Variants in NAT2 observed in about 807,000 individuals in gnomAD.
NAT2 encodes the protein arylamine N-acetyltransferase 2.
For missense variants in NAT2, 428 were observed against 339.1 expected, an observed-to-expected ratio of 1.26 and a Z score of -2.06; for synonymous variants, 137 against 125.9, an observed-to-expected ratio of 1.09 and a Z score of -0.59.
intron 1 of NAT2, among the ~76,000 whole-genome samples, chr8:18,397,645 C>T (rs1800716384): frequency 6.6e-6 from 1 of 152,066 alleles, no homozygotes; most frequent in Non-Finnish European, 1.5e-5. Context: ...CAATACAAAA[C>T]CAAAACATTG....
At position 18,400,989 on chromosome 8, in the gene NAT2, C is replaced by T. The variant is rs1800783568; in HGVS notation, c.*113C>T. On this transcript the variant is annotated 3_prime_UTR_variant, in exon 2 of 2. Transcript: ENST00000286479. ...ACGTTATTTTGAAGAAAATCCTAAA[C>T]ATCAAATACTTTCATCCATAAAAAT... is the stretch of plus-strand genomic sequence containing the variant. 1 of 674,758 alleles carries T rather than the reference C, an allele frequency of 1.5e-6. No individual in the cohort carries two copies. The highest frequency in any genetic ancestry group is 2.3e-6 in the Non-Finnish European group (1 of 438,422). 41.8% of individuals were successfully genotyped at this position (674,758 alleles called of 1,614,324 possible).
At chr8:18,398,336 T>C (rs1033037358) in intron 1 of NAT2, among the ~76,000 whole-genome samples, 62 of 152,312 alleles carry the variant, frequency 4.1e-4, no homozygotes, top group African/African-American at 1.4e-3. Context: ...CAAGGTAAGT[T>C]GGATAATTTC....
In NAT2 at chr8:18,400,748, A is replaced by C. The variant is rs769624189; in HGVS notation, c.745A>C (p.Asn249His). Residue 249 changes from asparagine (N) to histidine (H), a missense_variant, in exon 2 of 2, where the codon AAT becomes CAT. Physicochemically the swap from Asn to His is moderately conservative, Grantham distance 68. Transcript: ENST00000286479. The stretch of plus-strand genomic sequence containing the variant: ...CTATAGAAAATTCAATTATAAAGAC[A>C]ATACAGATCTGGTCGAGTTTAAAAC... ...LTYRKFNYKD[N>H]TDLVEFKTLT... 1 of 1,613,702 alleles carries C rather than the reference A, an allele frequency of 6.2e-7. No homozygotes were observed. The highest frequency in any genetic ancestry group is 1.1e-5 in the South Asian group (1 of 91,070).
intron 1 of NAT2, among the ~76,000 whole-genome samples, chr8:18,396,999 G>C (rs35583283): frequency 0.22 from 33,449 of 151,888 alleles, 4,184 homozygotes; most frequent in East Asian, 0.49. Flanking sequence ...ACTTATTTTG[G>C]ATTAAAGAAC....
chr8:18,392,437 G>A (rs1800605778), intron 1 of NAT2, among the ~76,000 whole-genome samples: 1 of 152,188 alleles, frequency 6.6e-6, no homozygotes, highest in Non-Finnish European at 1.5e-5. Context: ...TGATGTTTGA[G>A]GGCAGGAAGC....
chr8:18,400,201 G>C lies in NAT2; in HGVS notation c.198G>C (p.Gly66=), dbSNP rs753361951. The change falls in exon 2 of 2, where the codon GGG becomes GGC. Residue 66 remains glycine (G), a synonymous_variant. Transcript: ENST00000286479. ...ACATTGTAAGAAGAAACCGGGGTGG[G>C]TGGTGTCTCCAGGTCAATCAACTTC... is the stretch of plus-strand genomic sequence containing the variant. ...FDHIVRRNRG[G]WCLQVNQLLY... The C allele has an allele frequency of 1.2e-6, 2 of 1,613,164 alleles. No individual in the cohort carries two copies. Among genetic ancestry groups the C allele is most frequent in the East Asian group, 2.2e-5 (1 of 44,868 alleles).
intron 1 of NAT2, among the ~76,000 whole-genome samples, chr8:18,393,407 G>C (rs577967642): frequency 1.3e-5 from 2 of 152,170 alleles, no homozygotes; most frequent in East Asian, 3.9e-4. Context: ...AAATGGTTTA[G>C]GCCTTTAGAC....
At position 18,400,066 on chromosome 8, in the gene NAT2, G is replaced by A. The variant is rs1425832493; in HGVS notation, c.63G>A (p.Leu21=). The change falls in exon 2 of 2, where the codon TTG becomes TTA. Residue 21 remains leucine (L), a synonymous_variant. Coordinates refer to ENST00000286479, the MANE Select transcript of NAT2 (RefSeq NM_000015.3). ...GYKNSRNKLD[L]ETLTDILEHQ... ...AGAACTCTAGGAACAAATTGGACTT[G>A]GAAACATTAACTGACATTCTTGAGC... The A allele has an allele frequency of 1.2e-6, 2 of 1,613,088 alleles. No individual in the cohort carries two copies. Among genetic ancestry groups the A allele is most frequent in the South Asian group, 2.2e-5 (2 of 90,896 alleles).
At chr8:18,396,992 T>G (rs192508141) in intron 1 of NAT2, among the ~76,000 whole-genome samples, 3 of 152,302 alleles carry the variant, frequency 2.0e-5, no homozygotes, top group African/African-American at 7.2e-5. Context: ...ATCTTAAACT[T>G]ATTTTGGATT....
chr8:18,392,752 T>C (rs999158506), intron 1 of NAT2, among the ~76,000 whole-genome samples: 1 of 152,068 alleles, frequency 6.6e-6, no homozygotes. Flanking sequence ...TTACAGAAAC[T>C]CATGTATTAT....
rs758539294 is a variant in NAT2 at position 18,400,610 on chromosome 8, G to A, written c.607G>A (p.Glu203Lys). The change falls in exon 2 of 2, where the codon GAG becomes AAG. Residue 203 changes from glutamate (E) to lysine (K), a missense_variant. By Grantham distance (56) the Glu-to-Lys change is moderately conservative. Coordinates refer to ENST00000286479, the MANE Select transcript of NAT2 (RefSeq NM_000015.3). Reference sequence around the variant, plus strand: ...TGAACCTCGAACAATTGAAGATTTTGAGTCTATGAATACATACCTGCAGAC... The same window carrying A: ...TGAACCTCGAACAATTGAAGATTTTAAGTCTATGAATACATACCTGCAGAC... ...TLEPRTIEDF[E>K]SMNTYLQTSP... The A allele has an allele frequency of 6.2e-7, 1 of 1,613,670 alleles. No homozygotes were observed. The highest frequency in any genetic ancestry group is 8.5e-7 in the Non-Finnish European group (1 of 1,179,934).
In NAT2 at chr8:18,398,110, GAATAAAGACCCC is replaced by G. The variant is rs1328786446; in HGVS notation, c.-6-1885_-6-1874del. On this transcript the variant is annotated intron_variant, in intron 1 of 1. Transcript: ENST00000286479. ...TGGAGTGTGTATGCTGGAGTCTTCA[GAATAAAGACCCC>G]AACACACAGGGGAAATTGTCCTTTT... Among the ~76,000 whole-genome samples the G allele has an allele frequency of 2.0e-5, 3 of 152,292 alleles. 1 individual carries two copies. Among genetic ancestry groups the G allele is most frequent in the East Asian group, 3.9e-4 (2 of 5,186 alleles).
chr8:18,400,621 T>C lies in NAT2; in HGVS notation c.618T>C (p.Asn206=). 2 of 1,614,016 alleles carry C rather than the reference T, an allele frequency of 1.2e-6. No homozygotes were observed. The highest frequency in any genetic ancestry group is 1.7e-6 in the Non-Finnish European group (2 of 1,179,974). Residue 206 remains asparagine, a synonymous_variant, in exon 2 of 2, where the codon AAT becomes AAC. Transcript: ENST00000286479. ...PRTIEDFESM[N]TYLQTSPTSS... ...CAATTGAAGATTTTGAGTCTATGAATACATACCTGCAGACGTCTCCAACAT... is the reference window on the plus strand; with the variant it reads ...CAATTGAAGATTTTGAGTCTATGAACACATACCTGCAGACGTCTCCAACAT...
upstream of NAT2, among the ~76,000 whole-genome samples, chr8:18,386,528 G>A (rs769424518): frequency 5.3e-5 from 8 of 152,184 alleles, no homozygotes; most frequent in Non-Finnish European, 1.2e-4. Flanking sequence ...CGGACACACG[G>A]TGCCTGGATG....
chr8:18,396,642 C>T (rs1247122849), intron 1 of NAT2, among the ~76,000 whole-genome samples: 1 of 152,174 alleles, frequency 6.6e-6, no homozygotes, highest in African/African-American at 2.4e-5. Context: ...GATCTGCCCA[C>T]CTTGGCTTCC....
At chr8:18,399,925 C>T in intron 1 of NAT2, 73 bp from the exon 2 acceptor site, 1 of 1,444,832 alleles carries the variant, frequency 6.9e-7, no homozygotes, top group Non-Finnish European at 9.3e-7. Flanking sequence ...ATACGTTATA[C>T]CTATAATTAG....
intron 1 of NAT2, among the ~76,000 whole-genome samples, chr8:18,392,289 C>T (rs897146497): frequency 1.3e-5 from 2 of 152,150 alleles, no homozygotes; most frequent in Admixed American, 6.5e-5. Context: ...AGGTGACGTC[C>T]CACAGTAGGC....
upstream of NAT2, among the ~76,000 whole-genome samples, chr8:18,388,493 T>C (rs1585133836): frequency 3.4e-5 from 1 of 29,388 alleles, no homozygotes; most frequent in Admixed American, 4.9e-4. Flanking sequence ...AATGTTAAAG[T>C]AGATAATAAG....
chr8:18,389,574 G>A (rs142536749), upstream of NAT2, among the ~76,000 whole-genome samples: 6 of 152,278 alleles, frequency 3.9e-5, 1 homozygote, highest in African/African-American at 1.4e-4. Flanking sequence ...ATTTGAAGGT[G>A]GCTAACACCA....
Sources: gnomAD v4.1 joint callset for allele counts (sites outside exome capture counted in the v4.1 genomes callset) on GRCh38, gnomAD v4.1.1 for gene constraint, MANE v1.5 for transcripts, NCBI Gene and HGNC (gene_info 2026-07-23, HGNC 2026-07-21) for gene names.